Variants in ZFR2 observed in about 807,000 individuals in gnomAD.
The protein encoded by ZFR2 is zinc finger RNA-binding protein 2.
Under a neutral mutation model 105.7 loss-of-function variants are expected in ZFR2, and 104 were observed. The ratio of observed to expected loss-of-function variants is 0.98; its 90% CI spans 0.84 to 1.16. The LOEUF (loss-of-function observed/expected upper bound fraction) is 1.16, where lower values mean the gene tolerates loss of function less well. Ranked by LOEUF, ZFR2 falls within the 50% of genes most tolerant of loss-of-function variation. ZFR2 has a pLI of 0.00. For missense variants in ZFR2, 1,425 were observed against 1,355.5 expected, an observed-to-expected ratio of 1.05 and a Z score of -0.80; for synonymous variants, 634 against 597.7, an observed-to-expected ratio of 1.06 and a Z score of -0.89.
At position 3,834,349 on chromosome 19, in the gene ZFR2, C is replaced by T. The variant is rs1038116025; in HGVS notation, c.264+424G>A. Among the ~76,000 whole-genome samples the T allele has an allele frequency of 6.6e-6, 1 of 152,160 alleles. No individual in the cohort carries two copies. Among genetic ancestry groups the T allele is most frequent in the Non-Finnish European group, 1.5e-5 (1 of 68,032 alleles). ...CCAGGTGCACCCCACACACCACAGA[C>T]TCCCTCTTAGAAGGTAGGAATCTGG... On this transcript the variant is annotated intron_variant, in intron 2 of 18. Coordinates refer to ENST00000262961, the MANE Select transcript of ZFR2 (RefSeq NM_015174.2). The surrounding 1 kb of genome is among the most constrained non-coding windows in gnomAD (Gnocchi z 5.3).
At chr19:3,848,919 C>A (rs10415106) in intron 1 of ZFR2, among the ~76,000 whole-genome samples, 120,784 of 151,726 alleles carry the variant, frequency 0.8, 48,599 homozygotes, top group African/African-American at 0.91. Context: ...GCATGAACCC[C>A]GGAGGCGGAG....
At chr19:3,857,503 G>C (rs1277275373) in intron 1 of ZFR2, among the ~76,000 whole-genome samples, 1 of 146,600 alleles carries the variant, frequency 6.8e-6, no homozygotes, top group South Asian at 2.2e-4. Flanking sequence ...CCAGCAGTTC[G>C]AGACCAGCCT....
In ZFR2 at chr19:3,813,962, G is replaced by A. The variant is rs2037799252; in HGVS notation, c.2104-4C>T. 6 of 1,613,606 alleles carry A rather than the reference G, an allele frequency of 3.7e-6. No individual in the cohort carries two copies. The highest frequency in any genetic ancestry group is 5.1e-6 in the Non-Finnish European group (6 of 1,179,802). On this transcript the variant is annotated splice_region_variant and splice_polypyrimidine_tract_variant and intron_variant, in intron 13 of 18. Transcript: ENST00000262961. This position sits in a 1 kb window ranked among gnomAD's most constrained non-coding sequence, Gnocchi z 4.4. ...CATACTCATCCTCGGTCACCATCTG[G>A]GAGGGGTAAATACAACACAAGGCCA...
At chr19:3,820,326 C>T in intron 10 of ZFR2, 36 bp from the exon 11 acceptor site, 1 of 1,515,514 alleles carries the variant, frequency 6.6e-7, no homozygotes, top group Non-Finnish European at 8.8e-7. Flanking sequence ...ATGGTCAGGC[C>T]AGCAGTGGCC....
rs544000386 is a variant in ZFR2 at position 3,813,627 on chromosome 19, G to A, written c.2242+193C>T. Among the ~76,000 whole-genome samples the A allele has an allele frequency of 5.3e-5, 8 of 152,162 alleles. No homozygotes were observed. Among genetic ancestry groups the A allele is most frequent in the South Asian group, 2.1e-4 (1 of 4,826 alleles). On this transcript the variant is annotated intron_variant, in intron 14 of 18. Transcript: ENST00000262961. This position sits in a 1 kb window ranked among gnomAD's most constrained non-coding sequence, Gnocchi z 4.4. ...GCCCATCTGATGCTGTCACCGACTC[G>A]CCGCCTCTGCTGCCCGGAGACCCAG... is the stretch of plus-strand genomic sequence containing the variant.
Position 3,822,132 on chromosome 19 carries a change from A to G in ZFR2, c.1440T>C (p.Leu480=), listed in dbSNP as rs919549240. The G allele has an allele frequency of 6.2e-7, 1 of 1,610,478 alleles. No homozygotes were observed. The highest frequency in any genetic ancestry group is 8.5e-7 in the Non-Finnish European group (1 of 1,178,692). ...CCCTCACGTGCAGGTCCTTCGCGTTAAGGTCGTTGAAACTGCACTCGCACA... is the reference window on the plus strand; with the variant it reads ...CCCTCACGTGCAGGTCCTTCGCGTTGAGGTCGTTGAAACTGCACTCGCACA... The part of the protein sequence containing the change: ...CKLCECSFND[L]NAKDLHVRGR... Residue 480 remains leucine, a synonymous_variant, in exon 9 of 19, where the codon CTT becomes CTC. Transcript: ENST00000262961.
intron 16 of ZFR2, 106 bp from the exon 17 acceptor site, chr19:3,809,089 C>T (rs1031562786): frequency 4.4e-5 from 36 of 813,994 alleles, no homozygotes; most frequent in Non-Finnish European, 5.9e-5. Flanking sequence ...TCAGCTCTTT[C>T]TCTAACTCCC....
chr19:3,833,869 C>T (rs2038047453), intron 2 of ZFR2, 91 bp from the exon 3 acceptor site: 2 of 972,268 alleles, frequency 2.1e-6, no homozygotes, highest in Admixed American at 4.2e-5. Flanking sequence ...CTGCACTCTG[C>T]ACTTAGTCCT....
intron 15 of ZFR2, 52 bp from the exon 16 acceptor site, chr19:3,810,897 G>A (rs1568416801): frequency 6.5e-7 from 1 of 1,532,878 alleles, no homozygotes; most frequent in East Asian, 2.5e-5. Context: ...TGGCCACACG[G>A]CATGGCGCCG....
At chr19:3,819,620 G>A (rs2037866996) in intron 11 of ZFR2, among the ~76,000 whole-genome samples, 1 of 152,246 alleles carries the variant, frequency 6.6e-6, no homozygotes, top group African/African-American at 2.4e-5. Flanking sequence ...TAGGGAGGCC[G>A]AGGCGGGCGG....
Position 3,838,802 on chromosome 19 carries a change from C to T in ZFR2, c.54-3819G>A, listed in dbSNP as rs890863123. On this transcript the variant is annotated intron_variant, in intron 1 of 18. Coordinates refer to ENST00000262961, the MANE Select transcript of ZFR2 (RefSeq NM_015174.2). This position sits in a 1 kb window ranked among gnomAD's most constrained non-coding sequence, Gnocchi z 4.9. ...CTTCTTCCTGGCACCACCCAGTATA[C>T]ACTGCACGTCTGTCCACAGGCCGTC... is the stretch of plus-strand genomic sequence containing the variant. Among the ~76,000 whole-genome samples the T allele has an allele frequency of 5.3e-5, 8 of 152,292 alleles. No individual in the cohort carries two copies. The highest frequency in any genetic ancestry group is 4.1e-4 in the South Asian group (2 of 4,830).
In ZFR2 at chr19:3,822,121, T is replaced by A. The variant is rs757391510; in HGVS notation, c.1451A>T (p.Asp484Val). ...ECSFNDLNAK[D>V]LHVRGRRHRL... ...GTGCCGCCGCCCCCTCACGTGCAGG[T>A]CCTTCGCGTTAAGGTCGTTGAAACT... Residue 484 changes from aspartate (D) to valine (V), a missense_variant, in exon 9 of 19, where the codon GAC becomes GTC. Asp to Val is a radical substitution (Grantham distance 152, BLOSUM62 -3). Transcript: ENST00000262961. 6 of 1,610,046 alleles carry A rather than the reference T, an allele frequency of 3.7e-6. No homozygotes were observed. Among genetic ancestry groups the A allele is most frequent in the Admixed American group, 3.4e-5 (2 of 59,626 alleles).
chr19:3,851,899 G>A (rs1470541043), intron 1 of ZFR2: 1 of 174,484 alleles, frequency 5.7e-6, no homozygotes, highest in African/African-American at 2.4e-5. Flanking sequence ...CAATAGCAGG[G>A]TTCACTAATG....
intron 16 of ZFR2, 80 bp from the exon 17 acceptor site, chr19:3,809,063 G>A: frequency 9.2e-7 from 1 of 1,084,256 alleles, no homozygotes; most frequent in South Asian, 1.8e-5. Flanking sequence ...GGGGTCCCTG[G>A]GACAGGAGGC....
chr19:3,861,085 C>T (rs1289315604), intron 1 of ZFR2, among the ~76,000 whole-genome samples: 1 of 152,164 alleles, frequency 6.6e-6, no homozygotes, highest in Non-Finnish European at 1.5e-5. Flanking sequence ...GACTTCACCT[C>T]CTGCGGCAGG....
Position 3,813,766 on chromosome 19 carries a change from C to T in ZFR2, c.2242+54G>A, listed in dbSNP as rs1370533389. 15 of 1,599,104 alleles carry T rather than the reference C, an allele frequency of 9.4e-6. No homozygotes were observed. Among genetic ancestry groups the T allele is most frequent in the East Asian group, 4.5e-5 (2 of 44,690 alleles). ...CTGCCCCAGGCCTGGGTGTGGGGAG[C>T]GCCCTGGGGAAGCGTGAGGGGGACA... On this transcript the variant is annotated intron_variant, in intron 14 of 18. Transcript: ENST00000262961. This position sits in a 1 kb window ranked among gnomAD's most constrained non-coding sequence, Gnocchi z 4.4.
At chr19:3,835,028 G>T in intron 1 of ZFR2, 45 bp from the exon 2 acceptor site, 1 of 1,562,380 alleles carries the variant, frequency 6.4e-7, no homozygotes. Flanking sequence ...GTTAGAGCGA[G>T]TTCTCAGGTG....
At chr19:3,832,327 ATT>A (rs59657573) in intron 3 of ZFR2, among the ~76,000 whole-genome samples, 3 of 146,046 alleles carry the variant, frequency 2.1e-5, no homozygotes, top group Admixed American at 1.4e-4. Flanking sequence ...CATTATTATT[ATT>A]TTTTTTTTTT....
intron 1 of ZFR2, among the ~76,000 whole-genome samples, chr19:3,859,499 A>G (rs2038346842): frequency 6.6e-6 from 1 of 152,208 alleles, no homozygotes; most frequent in African/African-American, 2.4e-5. Flanking sequence ...CTGTCCCTCT[A>G]GAGACCCTGG....
Sources: allele counts gnomAD v4.1 joint callset (sites outside exome capture counted in the v4.1 genomes callset), GRCh38; gene constraint gnomAD v4.1.1; non-coding constraint Gnocchi (gnomAD v3.1); transcripts MANE v1.5; gene names NCBI Gene and HGNC (gene_info 2026-07-23, HGNC 2026-07-21).